ERC1: variants seen among roughly 807,000 people sequenced by gnomAD.
ERC1 encodes the protein RAB6 interacting protein 2.
Under a neutral mutation model 132.0 loss-of-function variants are expected in ERC1, and 56 were observed. The observed-to-expected ratio is 0.42, with a 90% CI of 0.34 to 0.53. The LOEUF (loss-of-function observed/expected upper bound fraction) is 0.53, where lower values mean the gene tolerates loss of function less well. Ranked by LOEUF, ERC1 falls within the 20% of genes least tolerant of loss-of-function variation. ERC1 has a pLI of 0.03. For synonymous variants in ERC1, 478 were observed against 476.1 expected (o/e 1.00, Z -0.05); for missense variants, 1,202 against 1,349.9 (o/e 0.89, Z 1.72).
intron 16 of ERC1, among the ~76,000 whole-genome samples, chr12:1,402,006 G>C (rs1181200501): frequency 6.6e-6 from 1 of 152,080 alleles, no homozygotes; most frequent in Non-Finnish European, 1.5e-5. Flanking sequence ...TTTTGAGAAA[G>C]ACCATAGGGG....
chr12:1,194,462 CT>C (rs1956033324), intron 12 of ERC1, among the ~76,000 whole-genome samples: 1 of 151,996 alleles, frequency 6.6e-6, no homozygotes, highest in South Asian at 2.1e-4. Context: ...AAATAAAGTA[CT>C]TAGAAGCGTA....
At chr12:1,350,058 A>AT (rs2084863546) in intron 15 of ERC1, among the ~76,000 whole-genome samples, 1 of 152,174 alleles carries the variant, frequency 6.6e-6, no homozygotes, top group African/African-American at 2.4e-5. Context: ...CTCCTGGTTT[A>AT]TGAGTTTTAA....
intron 18 of ERC1, among the ~76,000 whole-genome samples, chr12:1,450,145 TTA>T (rs1231323055): frequency 2.6e-5 from 4 of 152,182 alleles, no homozygotes; most frequent in Non-Finnish European, 5.9e-5. Flanking sequence ...TTTAAATCAG[TTA>T]TCTTTTTTTA....
At position 1,484,173 on chromosome 12, in the gene ERC1, C is replaced by T. The variant is rs1032015407; in HGVS notation, c.3214-5920C>T. 8.6e-5 allele frequency among the ~76,000 whole-genome samples: 13 copies of T among 151,998 alleles called. No homozygotes were observed. In the East Asian group the frequency reaches 9.9e-4, roughly 12 times the overall value. The stretch of plus-strand genomic sequence containing the variant: ...ACAAAAAATTAGCCGAGCGTGGTAG[C>T]GGGCACCTGTAGTCCCAGCTACTCG... On this transcript the variant is annotated intron_variant, in intron 18 of 18. Transcript: ENST00000360905.
At chr12:1,463,565 A>G (rs2093682783) in intron 18 of ERC1, among the ~76,000 whole-genome samples, 2 of 152,182 alleles carry the variant, frequency 1.3e-5, no homozygotes. Flanking sequence ...ACCTAAGGGC[A>G]GCATAGTGTG....
At chr12:1,323,786 A>C (rs2154354982) in intron 15 of ERC1, among the ~76,000 whole-genome samples, 1 of 152,320 alleles carries the variant, frequency 6.6e-6, no homozygotes, top group Non-Finnish European at 1.5e-5. Flanking sequence ...CTTAGAAGGA[A>C]TGATTGTTCT....
At chr12:1,175,577 G>A (rs1467004991) in intron 8 of ERC1, among the ~76,000 whole-genome samples, 2 of 148,098 alleles carry the variant, frequency 1.4e-5, no homozygotes, top group Non-Finnish European at 3.0e-5. Context: ...ATTGTTGCCC[G>A]GGCTGGAGTG....
intron 7 of ERC1, among the ~76,000 whole-genome samples, chr12:1,136,037 G>A (rs1949216605): frequency 6.6e-6 from 1 of 152,104 alleles, no homozygotes; most frequent in Non-Finnish European, 1.5e-5. Flanking sequence ...CAAAAATAAG[G>A]TTCTTATTCT....
chr12:1,154,296 C>T (rs1200969520), intron 8 of ERC1, among the ~76,000 whole-genome samples: 1 of 148,108 alleles, frequency 6.8e-6, no homozygotes, highest in Non-Finnish European at 1.5e-5. Context: ...TATACACACA[C>T]ACGTGCATAT....
rs375170257 is a variant in ERC1 at position 1,021,526 on chromosome 12, C to T, written c.-156-6222C>T. On this transcript the variant is annotated intron_variant, in intron 1 of 18. Coordinates refer to ENST00000360905, the MANE Select transcript of ERC1 (RefSeq NM_178040.4). The stretch of plus-strand genomic sequence containing the variant: ...CATCCTGGCTAACATGGTGAAACCC[C>T]GTATCTACTAAAAATACAAAAAATT... Among the ~76,000 whole-genome samples the T allele has an allele frequency of 1.6e-3, 248 of 151,700 alleles. 9 individuals carry two copies. In the South Asian group the frequency reaches 0.048, roughly 29 times the overall value.
At chr12:1,114,843 CTT>C (rs910927012) in intron 6 of ERC1, among the ~76,000 whole-genome samples, 3 of 152,066 alleles carry the variant, frequency 2.0e-5, no homozygotes, top group Non-Finnish European at 4.4e-5. Context: ...AATACTTAAT[CTT>C]TTTTGAAACA....
chr12:1,007,548 G>C (rs200702747), intron 1 of ERC1, among the ~76,000 whole-genome samples: 7,348 of 53,160 alleles, frequency 0.14, 318 homozygotes, highest in East Asian at 0.46. Context: ...CTCTGTGTGT[G>C]TGTGTGTGTG....
At chr12:1,063,649 C>A (rs1938501877) in intron 2 of ERC1, among the ~76,000 whole-genome samples, 1 of 152,008 alleles carries the variant, frequency 6.6e-6, no homozygotes, top group Non-Finnish European at 1.5e-5. Context: ...AAAAAAAAAT[C>A]CACTCATTCA....
intron 7 of ERC1, among the ~76,000 whole-genome samples, chr12:1,121,713 C>CTA (rs1947176104): frequency 1.8e-4 from 1 of 5,694 alleles, no homozygotes; most frequent in Non-Finnish European, 6.1e-4. Context: ...CTATCTGTGT[C>CTA]TCTATCTCTA....
At chr12:1,461,686 T>A (rs1346608102) in intron 18 of ERC1, among the ~76,000 whole-genome samples, 2 of 151,990 alleles carry the variant, frequency 1.3e-5, no homozygotes, top group Non-Finnish European at 2.9e-5. Flanking sequence ...ATAATAATAA[T>A]AAAATAAAAC....
intron 2 of ERC1, among the ~76,000 whole-genome samples, chr12:1,036,403 T>G (rs1004307858): frequency 1.3e-5 from 2 of 151,916 alleles, no homozygotes; most frequent in Admixed American, 6.6e-5. Context: ...AGACAGAGTT[T>G]TGCTCTTGTT....
intron 3 of ERC1, among the ~76,000 whole-genome samples, chr12:1,095,888 G>T (rs1277628327): frequency 2.6e-5 from 4 of 151,552 alleles, no homozygotes; most frequent in Non-Finnish European, 5.9e-5. Flanking sequence ...GCCTATGGAT[G>T]GTTTAAAATA....
chr12:1,129,594 A>G (rs928921714), intron 7 of ERC1, among the ~76,000 whole-genome samples: 7 of 152,208 alleles, frequency 4.6e-5, no homozygotes, highest in African/African-American at 1.7e-4. Flanking sequence ...TTAGGCCAAC[A>G]TCAGACTTTT....
Position 991,254 on chromosome 12 carries a change from G to GGCGGCGGTAGTGGCGGCC in ERC1, c.-208_-207insCGCGGCGGTAGTGGCGGC, listed in dbSNP as rs1959192497. On this transcript the variant is annotated 5_prime_UTR_variant, in exon 1 of 19. Coordinates refer to ENST00000360905, the MANE Select transcript of ERC1 (RefSeq NM_178040.4). ...GCCTGGGCCGTGCTGTGGCGGCGGC[G>GGCGGCGGTAGTGGCGGCC]GCGGCGGTAGTGGCGGCGGCGGCGG... The GGCGGCGGTAGTGGCGGCC allele has an allele frequency of 6.0e-6, 1 of 166,226 alleles. No individual in the cohort carries two copies. The highest frequency in any genetic ancestry group is 1.2e-5 in the Non-Finnish European group (1 of 80,912). The allele number at this position is 166,226 out of a possible 1,614,324, so 10.3% of individuals were successfully genotyped here. A position where few individuals can be genotyped will look rare whatever the true frequency, so the allele number is the denominator to read the frequency against.
Sources: gnomAD v4.1 joint callset for allele counts (sites outside exome capture counted in the v4.1 genomes callset) on GRCh38, gnomAD v4.1.1 for gene constraint, MANE v1.5 for transcripts, NCBI Gene and HGNC (gene_info 2026-07-23, HGNC 2026-07-21) for gene names.